The following CPNE4 variants were observed in gnomAD, a reference collection of about 807,000 sequenced individuals.
CPNE4 encodes the protein copine 4.
A neutral mutation model predicts 67.9 loss-of-function variants in CPNE4; 25 were observed. The observed-to-expected ratio is 0.37, with a 90% CI of 0.27 to 0.51. The LOEUF (loss-of-function observed/expected upper bound fraction) is 0.51. CPNE4 is among the 20% of genes least tolerant of loss of function. The pLI is 0.93. For synonymous variants in CPNE4, 242 were observed against 244.9 expected, an observed-to-expected ratio of 0.99 and a Z score of 0.11; for missense variants, 464 against 690.8, an observed-to-expected ratio of 0.67 and a Z score of 3.68.
intron 2 of CPNE4, among the ~76,000 whole-genome samples, chr3:131,787,827 C>G (rs570662542): frequency 6.6e-6 from 1 of 152,124 alleles, no homozygotes; most frequent in East Asian, 1.9e-4. Flanking sequence ...ATCTGAAGAC[C>G]GTACAGGACA....
intron 6 of CPNE4, 92 bp downstream of exon 6, chr3:131,685,781 AAC>A (rs33910791): frequency 4.2e-3 from 3,030 of 717,038 alleles, no homozygotes; most frequent in East Asian, 0.012. Context: ...ACTCCACCTC[AAC>A]ACACACACAC....
intron 1 of CPNE4, among the ~76,000 whole-genome samples, chr3:131,969,670 G>T (rs1339622374): frequency 1.3e-5 from 2 of 152,142 alleles, no homozygotes. Context: ...ACAGGTCTAA[G>T]GGGCAGCAGG....
intron 2 of CPNE4, among the ~76,000 whole-genome samples, chr3:131,900,649 C>T (rs1258549203): frequency 6.6e-6 from 1 of 152,090 alleles, no homozygotes; most frequent in Non-Finnish European, 1.5e-5. Context: ...GTGCTCAATA[C>T]ATGCTGGGGT....
chr3:132,012,322 C>T (rs919264975), intron 1 of CPNE4, among the ~76,000 whole-genome samples: 6 of 151,998 alleles, frequency 3.9e-5, no homozygotes, highest in East Asian at 1.9e-4. Context: ...GCATGTGTCA[C>T]GACACCTGGC....
chr3:131,970,011 G>A (rs965644738), intron 1 of CPNE4, among the ~76,000 whole-genome samples: 1 of 152,162 alleles, frequency 6.6e-6, no homozygotes, highest in African/African-American at 2.4e-5. Context: ...AATTGGTGCT[G>A]TTTACGAAGG....
At chr3:131,997,319 C>T (rs1326171112) in intron 1 of CPNE4, among the ~76,000 whole-genome samples, 1 of 152,112 alleles carries the variant, frequency 6.6e-6, no homozygotes, top group East Asian at 1.9e-4. Context: ...CCATCTCCTC[C>T]CCACTGTAGA....
At chr3:131,751,709 A>T (rs139690027) in intron 2 of CPNE4, among the ~76,000 whole-genome samples, 193 of 149,464 alleles carry the variant, frequency 1.3e-3, no homozygotes, top group Non-Finnish European at 1.4e-3. Context: ...AAACCTAGAC[A>T]TTTTTTTGTA....
intron 6 of CPNE4, 81 bp downstream of exon 6, chr3:131,685,794 A>ACT: frequency 2.2e-6 from 2 of 921,486 alleles, no homozygotes; most frequent in South Asian, 1.6e-5. Flanking sequence ...ACACACACAC[A>ACT]CACAAAAAGG....
chr3:131,940,760 G>C (rs956199200), intron 1 of CPNE4, among the ~76,000 whole-genome samples: 1 of 152,074 alleles, frequency 6.6e-6, no homozygotes, highest in African/African-American at 2.4e-5. Flanking sequence ...GTGAATAACA[G>C]GCACAGAGGT....
Position 131,581,582 on chromosome 3 carries a change from G to T in CPNE4, c.864C>A (p.Cys288Ter). The T allele has an allele frequency of 6.2e-7, 1 of 1,608,524 alleles. No individual in the cohort carries two copies. The highest frequency in any genetic ancestry group is 8.5e-7 in the Non-Finnish European group (1 of 1,175,012). Residue 288 changes from cysteine (C) to a stop codon, truncating the protein, a stop_gained, in exon 9 of 16, where the codon TGC (cysteine) becomes TGA (stop). Transcript: ENST00000429747. LOFTEE classifies it high-confidence loss of function. The part of the protein sequence containing the change: ...KNSGTVILNL[C>*]KIHKMHSFLD... ...GAAGAGAGGGTTGTGTACATACCTT[G>T]CACAGATTCAGAATCACAGTGCCTG...
intron 1 of CPNE4, among the ~76,000 whole-genome samples, chr3:131,952,247 C>T (rs572100980): frequency 3.9e-4 from 59 of 151,332 alleles, no homozygotes; most frequent in African/African-American, 9.4e-4. Flanking sequence ...CGCCTCTGCC[C>T]GGCCGCGAAC....
chr3:131,726,409 A>G (rs1218395974), intron 2 of CPNE4, among the ~76,000 whole-genome samples: 1 of 152,162 alleles, frequency 6.6e-6, no homozygotes, highest in Non-Finnish European at 1.5e-5. Context: ...TATTAGCAAG[A>G]CAGACGATTT....
At chr3:131,741,527 G>A (rs1191741083) in intron 2 of CPNE4, among the ~76,000 whole-genome samples, 1 of 152,114 alleles carries the variant, frequency 6.6e-6, no homozygotes, top group Admixed American at 6.5e-5. Flanking sequence ...TGGGGGCAAG[G>A]TATTTCAAAG....
At chr3:131,882,883 A>AT (rs1228720465) in intron 2 of CPNE4, among the ~76,000 whole-genome samples, 8 of 151,706 alleles carry the variant, frequency 5.3e-5, no homozygotes, top group Non-Finnish European at 7.4e-5. Flanking sequence ...CACCTGGCTA[A>AT]TTTTTTTGTA....
chr3:131,979,799 T>C (rs968289195), intron 1 of CPNE4, among the ~76,000 whole-genome samples: 30 of 102,392 alleles, frequency 2.9e-4, no homozygotes, highest in African/African-American at 8.0e-4. Flanking sequence ...TCCTGTGTGA[T>C]TTATGCTTTA....
chr3:131,577,349 C>T (rs1311756982), intron 9 of CPNE4, among the ~76,000 whole-genome samples: 1 of 152,012 alleles, frequency 6.6e-6, no homozygotes. Context: ...GATGGAAATA[C>T]ATTCTGAGAA....
At chr3:131,720,611 G>C (rs1254803100) in intron 3 of CPNE4, among the ~76,000 whole-genome samples, 1 of 152,152 alleles carries the variant, frequency 6.6e-6, no homozygotes, top group East Asian at 1.9e-4. Context: ...GCTGATGTGA[G>C]TATATATACA....
At chr3:131,777,596 A>T (rs2083322652) in intron 2 of CPNE4, among the ~76,000 whole-genome samples, 1 of 152,060 alleles carries the variant, frequency 6.6e-6, no homozygotes, top group Non-Finnish European at 1.5e-5. Context: ...GTTCATCAGG[A>T]TGTATGGTGA....
chr3:131,575,095 C>T lies in CPNE4; in HGVS notation c.903G>A (p.Met301Ile). The change falls in exon 10 of 16, where the codon ATG (methionine) becomes ATA (isoleucine). Residue 301 changes from methionine to isoleucine, a missense_variant. Met to Ile is a conservative substitution (Grantham distance 10, BLOSUM62 1). Around this residue, in one of 6 missense-constraint regions of CPNE4, gnomAD observed 201 missense variants for 357.7 expected, o/e 0.56. Coordinates refer to ENST00000429747, the MANE Select transcript of CPNE4 (RefSeq NM_130808.3). ...CTGTAAACTGGATTTGGCAGCCACC[C>T]ATGATGTAGTCCAAGAAAGAATGCA... ...HKMHSFLDYI[M>I]GGCQIQFTVA... 5.6e-6 allele frequency: 9 copies of T among 1,612,778 alleles called. No homozygotes were observed. The highest frequency in any genetic ancestry group is 6.8e-6 in the Non-Finnish European group (8 of 1,179,138).
Sources: gnomAD v4.1 joint callset for allele counts (sites outside exome capture counted in the v4.1 genomes callset) on GRCh38, gnomAD v4.1.1 for gene constraint, gnomAD v4.1.1 regional missense constraint, MANE v1.5 for transcripts, NCBI Gene and HGNC (gene_info 2026-07-23, HGNC 2026-07-21) for gene names.